ATXN2: variants seen among roughly 807,000 people sequenced by gnomAD.
The protein encoded by ATXN2 is ataxin-2.
In ATXN2, 37 loss-of-function variants were observed where a neutral mutation model predicts 138.6. The ratio of observed to expected loss-of-function variants is 0.27; its 90% CI spans 0.21 to 0.35. ATXN2 has a LOEUF of 0.35. ATXN2 is among the 10% of genes least tolerant of loss of function. The pLI is 1.00. For missense variants in ATXN2, 1,216 were observed against 1,480.3 expected (o/e 0.82, Z 2.93); for synonymous variants, 549 against 543.7 (o/e 1.01, Z -0.13).
chr12:111,482,975 CCCAGGAGTTTGAGA>C (rs1877355677), intron 18 of ATXN2: 1 of 152,090 alleles, frequency 6.6e-6, no homozygotes, highest in African/African-American at 2.4e-5. Flanking sequence ...ATCGCTTGAG[CCCAGGAGTTTGAGA>C]CCAGCCTAGG....
At chr12:111,484,605 T>A (rs1256300926) in intron 18 of ATXN2, among the ~76,000 whole-genome samples, 2 of 152,054 alleles carry the variant, frequency 1.3e-5, no homozygotes. Flanking sequence ...TCCGGCTAAT[T>A]TTTGTATTTT....
chr12:111,585,214 TAC>T (rs1294635902), intron 1 of ATXN2, among the ~76,000 whole-genome samples: 1 of 152,036 alleles, frequency 6.6e-6, no homozygotes, highest in Non-Finnish European at 1.5e-5. Context: ...GCTATAAACT[TAC>T]AGTCAAAACT....
intron 20 of ATXN2, chr12:111,469,035 T>C (rs1280387282): frequency 6.6e-6 from 1 of 152,198 alleles, no homozygotes; most frequent in African/African-American, 2.4e-5. Flanking sequence ...TGCCTAAACA[T>C]ACTCGTTCAG....
At chr12:111,534,310 A>G (rs1028387582) in intron 5 of ATXN2, among the ~76,000 whole-genome samples, 1 of 152,012 alleles carries the variant, frequency 6.6e-6, no homozygotes. Flanking sequence ...CTGAGGTGGG[A>G]GAATCACTTG....
chr12:111,520,922 C>T lies in ATXN2; in HGVS notation c.748G>A (p.Gly250Ser). Residue 250 changes from glycine to serine, a missense_variant, in exon 7 of 25, where the codon GGT becomes AGT. Physicochemically the swap from Gly to Ser is moderately conservative, Grantham distance 56. Around this residue, in one of 4 missense-constraint regions of ATXN2, gnomAD observed 401 missense variants for 528.1 expected, o/e 0.76. Coordinates refer to ENST00000673436, the MANE Select transcript of ATXN2 (RefSeq NM_001372574.1). ...DMFRYNEENY[G>S]VVSTYDSSLS... Reference sequence around the variant, plus strand: ...CTGCTATCATACGTAGACACTACACCATAATTTTCTTCATTATATCGAAAC... The same window carrying T: ...CTGCTATCATACGTAGACACTACACTATAATTTTCTTCATTATATCGAAAC... 2 of 1,599,950 alleles carry T rather than the reference C, an allele frequency of 1.3e-6. No individual in the cohort carries two copies. The highest frequency in any genetic ancestry group is 1.7e-6 in the Non-Finnish European group (2 of 1,171,348).
chr12:111,500,459 A>G (rs1459252993), intron 14 of ATXN2, among the ~76,000 whole-genome samples: 1 of 152,214 alleles, frequency 6.6e-6, no homozygotes, highest in African/African-American at 2.4e-5. Context: ...AGAAGTTGGG[A>G]AGGGTAATGG....
Position 111,470,686 on chromosome 12 carries a change from G to C in ATXN2, c.2581C>G (p.Pro861Ala). The C allele has an allele frequency of 1.9e-6, 3 of 1,613,964 alleles. No homozygotes were observed. Among genetic ancestry groups the C allele is most frequent in the Non-Finnish European group, 2.5e-6 (3 of 1,179,996 alleles). Reference sequence around the variant, plus strand: ...ATCGGTGGGCCCGCTGCTGACGCTGGGTGCATCATGGCACTCTGATGATGC... The same window carrying C: ...ATCGGTGGGCCCGCTGCTGACGCTGCGTGCATCATGGCACTCTGATGATGC... ...DQHHQSAMMH[P>A]ASAAGPPIAA... The change falls in exon 19 of 25, where the codon CCA becomes GCA. Residue 861 changes from proline (P) to alanine (A), a missense_variant. Pro to Ala is a conservative substitution (Grantham distance 27). Around this residue, in one of 4 missense-constraint regions of ATXN2, gnomAD observed 490 missense variants for 653.5 expected, o/e 0.75. Coordinates refer to ENST00000673436, the MANE Select transcript of ATXN2 (RefSeq NM_001372574.1).
At chr12:111,493,541 T>C (rs891081037) in intron 14 of ATXN2, among the ~76,000 whole-genome samples, 12 of 151,822 alleles carry the variant, frequency 7.9e-5, no homozygotes, top group Admixed American at 2.6e-4. Flanking sequence ...ATACAGAATA[T>C]TGTAACACTG....
At chr12:111,562,333 G>A (rs776460033) in intron 1 of ATXN2, among the ~76,000 whole-genome samples, 7 of 151,986 alleles carry the variant, frequency 4.6e-5, no homozygotes, top group Non-Finnish European at 1.0e-4. Context: ...CAGATGGGAG[G>A]TTCACTTGAG....
At chr12:111,579,241 A>G (rs939977036) in intron 1 of ATXN2, among the ~76,000 whole-genome samples, 2 of 152,196 alleles carry the variant, frequency 1.3e-5, no homozygotes, top group Non-Finnish European at 2.9e-5. Flanking sequence ...CAAAACCTGT[A>G]CATAAATATT....
At chr12:111,590,751 C>T (rs1207000505) in intron 1 of ATXN2, among the ~76,000 whole-genome samples, 1 of 151,984 alleles carries the variant, frequency 6.6e-6, no homozygotes, top group Non-Finnish European at 1.5e-5. Flanking sequence ...AGCATTAGCA[C>T]CTGAGCCCCA....
chr12:111,550,684 A>T (rs933915964), intron 5 of ATXN2, among the ~76,000 whole-genome samples: 1 of 152,220 alleles, frequency 6.6e-6, no homozygotes, highest in African/African-American at 2.4e-5. Flanking sequence ...TCTTAAGACA[A>T]AAAGTTGTGA....
intron 6 of ATXN2, among the ~76,000 whole-genome samples, chr12:111,523,232 A>G (rs1462972515): frequency 6.6e-6 from 1 of 152,080 alleles, no homozygotes; most frequent in East Asian, 1.9e-4. Context: ...TCTGTCTCAA[A>G]AAAAGAAAAA....
At chr12:111,534,360 T>TCACC (rs1277956812) in intron 5 of ATXN2, among the ~76,000 whole-genome samples, 2 of 151,854 alleles carry the variant, frequency 1.3e-5, no homozygotes, top group Non-Finnish European at 1.5e-5. Flanking sequence ...AAGATCTGCA[T>TCACC]CACCACACTC....
At chr12:111,578,315 C>T (rs1266197640) in intron 1 of ATXN2, among the ~76,000 whole-genome samples, 1 of 152,198 alleles carries the variant, frequency 6.6e-6, no homozygotes, top group East Asian at 1.9e-4. Flanking sequence ...TGATAAATGA[C>T]TCATCCCAAG....
At chr12:111,597,151 G>A (rs1485987133) in intron 1 of ATXN2, among the ~76,000 whole-genome samples, 2 of 151,540 alleles carry the variant, frequency 1.3e-5, no homozygotes, top group Non-Finnish European at 2.9e-5. Context: ...ACTCAGAGAA[G>A]GGGAAGGGGG....
chr12:111,540,977 G>C (rs1005954073), intron 5 of ATXN2, among the ~76,000 whole-genome samples: 5 of 150,184 alleles, frequency 3.3e-5, no homozygotes, highest in African/African-American at 1.2e-4. Flanking sequence ...GATTACAAGC[G>C]TGAGCACCAC....
chr12:111,513,523 G>A lies in ATXN2; in HGVS notation c.1392C>T (p.Ser464=), dbSNP rs957266513. The change falls in exon 11 of 25, where the codon TCC becomes TCT. Residue 464 remains serine (S), a synonymous_variant. Coordinates refer to ENST00000673436, the MANE Select transcript of ATXN2 (RefSeq NM_001372574.1). The stretch of plus-strand genomic sequence containing the variant: ...TTCGAGGATGTCGCTGGGCCTTTGG[G>A]GACATCCTTGGAGGCCCTAAGGAAG... ...RMSSEGPPRM[S]PKAQRHPRNH... 1.2e-6 allele frequency: 2 copies of A among 1,612,682 alleles called. No homozygotes were observed. The highest frequency in any genetic ancestry group is 1.7e-6 in the Non-Finnish European group (2 of 1,179,500).
chr12:111,572,300 C>T (rs546921076), intron 1 of ATXN2, among the ~76,000 whole-genome samples: 13 of 151,762 alleles, frequency 8.6e-5, no homozygotes, highest in African/African-American at 2.7e-4. Context: ...ACTTGAGAGG[C>T]TGAGGCAGGA....
Sources: allele counts gnomAD v4.1 joint callset (sites outside exome capture counted in the v4.1 genomes callset), GRCh38; gene constraint gnomAD v4.1.1; regional missense constraint gnomAD v4.1.1; transcripts MANE v1.5; gene names NCBI Gene and HGNC (gene_info 2026-07-23, HGNC 2026-07-21).